CARMIL2: variants seen among roughly 807,000 people sequenced by gnomAD.
The protein encoded by CARMIL2 is capping protein regulator and myosin 1 linker 2, also known as capping protein, Arp2/3 and myosin-I linker protein 2.
In CARMIL2, 96 loss-of-function variants were observed where a neutral mutation model predicts 173.3. The observed-to-expected ratio is 0.55, with a 90% CI of 0.47 to 0.66. CARMIL2 has a LOEUF of 0.66. CARMIL2 is among the 30% of genes least tolerant of loss of function. The pLI, the probability that CARMIL2 is intolerant of heterozygous loss-of-function variation, is 0.00. For synonymous variants in CARMIL2, 830 were observed against 817.1 expected, an observed-to-expected ratio of 1.02 and a Z score of -0.27; for missense variants, 1,771 against 1,906.7, an observed-to-expected ratio of 0.93 and a Z score of 1.33.
intron 10 of CARMIL2, 35 bp downstream of exon 10, chr16:67,647,422 T>A (rs1357623092): frequency 1.3e-6 from 2 of 1,558,406 alleles, no homozygotes; most frequent in East Asian, 4.8e-5. Flanking sequence ...GAGAGGAGAG[T>A]CTGGAGGCTT....
At position 67,653,068 on chromosome 16, in the gene CARMIL2, A is replaced by G; in HGVS notation, c.2934A>G (p.Glu978=). ...EPEPELAAPG[E]DAEPQAGPSA... ...AGCCCGAGCTGGCGGCTCCGGGAGA[A>G]GATGCAGAGCCGCAGGCGGGGCCGT... Residue 978 remains glutamate (E), a synonymous_variant, in exon 29 of 38, where the codon GAA becomes GAG. Coordinates refer to ENST00000334583, the MANE Select transcript of CARMIL2 (RefSeq NM_001013838.3). This position sits in a 1 kb window ranked among gnomAD's most constrained non-coding sequence, Gnocchi z 7.4. 4.0e-6 allele frequency: 5 copies of G among 1,261,616 alleles called. No individual in the cohort carries two copies. The highest frequency in any genetic ancestry group is 5.0e-6 in the Non-Finnish European group (5 of 993,186). 78.2% of individuals were successfully genotyped at this position (1,261,616 alleles called of 1,614,324 possible).
At position 67,649,247 on chromosome 16, in the gene CARMIL2, C is replaced by A. The variant is rs761837872; in HGVS notation, c.1689-7C>A. On this transcript the variant is annotated splice_region_variant and splice_polypyrimidine_tract_variant and intron_variant, in intron 18 of 37. Transcript: ENST00000334583. The surrounding 1 kb of genome is among the most constrained non-coding windows in gnomAD (Gnocchi z 6.7). ...CTGTCCCCCACAACTGCGGCCCCTGCCCACAGGGAGACCCTGGACGACGTC... is the reference window on the plus strand; with the variant it reads ...CTGTCCCCCACAACTGCGGCCCCTGACCACAGGGAGACCCTGGACGACGTC... 3.0e-5 allele frequency: 49 copies of A among 1,613,250 alleles called. No homozygotes were observed. The highest frequency in any genetic ancestry group is 2.3e-4 in the Admixed American group (14 of 59,970).
At chr16:67,655,384 C>T (rs917942726) in intron 32 of CARMIL2, among the ~76,000 whole-genome samples, 1 of 152,162 alleles carries the variant, frequency 6.6e-6, no homozygotes. Flanking sequence ...GAGCCTAGAT[C>T]GTGCCACTAC....
rs2052863547 is a variant in CARMIL2 at position 67,656,655 on chromosome 16, C to T, written c.4036+10C>T. On this transcript the variant is annotated intron_variant, in intron 35 of 37. Coordinates refer to ENST00000334583, the MANE Select transcript of CARMIL2 (RefSeq NM_001013838.3). ...GGCCCCAGAAATGAAGGTAGGCAGG[C>T]ACCTGATTCCCCACCCCAATCCTGG... The T allele has an allele frequency of 6.3e-7, 1 of 1,579,624 alleles. No homozygotes were observed. The highest frequency in any genetic ancestry group is 8.6e-7 in the Non-Finnish European group (1 of 1,162,894).
At chr16:67,650,496 T>C (rs2052703768) in intron 22 of CARMIL2, 1 of 356,480 alleles carries the variant, frequency 2.8e-6, no homozygotes, top group Admixed American at 4.4e-5. Context: ...CAGCTGCTCC[T>C]TCACTGTCTT....
At position 67,654,557 on chromosome 16, in the gene CARMIL2, T is replaced by G. The variant is rs767354552; in HGVS notation, c.3447T>G (p.Gly1149=). ...GTCCCAGCCGTGGTGAGGAGCTTGG[T>G]GGGGCTGAGGGGGACACCAGCAGCC... ...PTRPSRGEEL[G]GAEGDTSSPD... is the part of the protein sequence containing the mutation. Residue 1149 remains glycine, a synonymous_variant, in exon 31 of 38, where the codon GGT becomes GGG. Transcript: ENST00000334583. The G allele has an allele frequency of 6.2e-7, 1 of 1,611,790 alleles. No individual in the cohort carries two copies. The highest frequency in any genetic ancestry group is 1.7e-5 in the Admixed American group (1 of 59,852).
intron 32 of CARMIL2, among the ~76,000 whole-genome samples, chr16:67,655,185 C>CT (rs1161561915): frequency 6.6e-6 from 1 of 152,226 alleles, no homozygotes; most frequent in Non-Finnish European, 1.5e-5. Context: ...AATCCCGACA[C>CT]TTTGGGAGGC....
Position 67,645,595 on chromosome 16 carries a change from G to T in CARMIL2, c.96G>T (p.Trp32Cys). Residue 32 changes from tryptophan (W) to cysteine (C), a missense_variant, in exon 2 of 38, where the codon TGG becomes TGT. By Grantham distance (215) the Trp-to-Cys change is radical. Transcript: ENST00000334583. Reference protein sequence around the residue: ...PKEVELLLKTWLPGEGAVQNH... With the variant: ...PKEVELLLKTCLPGEGAVQNH... ...AGGTGGAGCTGCTGCTGAAAACCTG[G>T]CTACCCGGGGAGGGTGCTGTGCAAA... 1 of 1,613,350 alleles carries T rather than the reference G, an allele frequency of 6.2e-7. No homozygotes were observed. Among genetic ancestry groups the T allele is most frequent in the Non-Finnish European group, 8.5e-7 (1 of 1,179,704 alleles).
rs186775202 is a variant in CARMIL2, at chr16:67,653,668, C to A, written c.3120+414C>A. Reference sequence around the variant, plus strand: ...GGGAGATGCGTGTGTGGGCTGCAAGCCCGCGGGGGCAGCGGGCACTGGCGG... The same window carrying A: ...GGGAGATGCGTGTGTGGGCTGCAAGACCGCGGGGGCAGCGGGCACTGGCGG... On this transcript the variant is annotated intron_variant, in intron 29 of 37. Transcript: ENST00000334583. The surrounding 1 kb of genome is among the most constrained non-coding windows in gnomAD (Gnocchi z 7.4). Among the ~76,000 whole-genome samples the A allele has an allele frequency of 6.6e-6, 1 of 152,146 alleles. No homozygotes were observed. The highest frequency in any genetic ancestry group is 1.5e-5 in the Non-Finnish European group (1 of 67,998).
In CARMIL2 at chr16:67,648,797, G is replaced by C. The variant is rs770146170; in HGVS notation, c.1509+43G>C. ...GAAGAGACCACACATTGGGAGAGGC[G>C]CTGGGAGGCGGAAGGGCAGGGCCGT... On this transcript the variant is annotated intron_variant, in intron 16 of 37. Transcript: ENST00000334583. This position sits in a 1 kb window ranked among gnomAD's most constrained non-coding sequence, Gnocchi z 6.1. The C allele has an allele frequency of 1.5e-5, 23 of 1,570,368 alleles. No homozygotes were observed. The Admixed American group carries it at 4.1e-4, about 28-fold the overall frequency.
At chr16:67,655,259 C>A (rs893520993) in intron 32 of CARMIL2, among the ~76,000 whole-genome samples, 2 of 152,190 alleles carry the variant, frequency 1.3e-5, no homozygotes, top group African/African-American at 4.8e-5. Context: ...TGGTGAAACC[C>A]TGTCTCTACT....
At chr16:67,655,089 T>C (rs1284190015) in intron 32 of CARMIL2, among the ~76,000 whole-genome samples, 189 bp downstream of exon 32, 2 of 152,340 alleles carry the variant, frequency 1.3e-5, no homozygotes, top group East Asian at 3.9e-4. Context: ...GCCACCAGCA[T>C]CTCCTCTTTG....
chr16:67,654,075 C>T, intron 29 of CARMIL2, 74 bp from the exon 30 acceptor site: 2 of 931,066 alleles, frequency 2.1e-6, no homozygotes, highest in Non-Finnish European at 2.9e-6. Flanking sequence ...GTCCAGGCTG[C>T]CGGCCGGGGG....
Position 67,645,778 on chromosome 16 carries a change from G to A in CARMIL2, c.186+1G>A. ...GCACACCACCTGCCTCCCGCTGAGG[G>A]TGAGTCCCAGGGCCTGGCCACACCC... On this transcript the variant is annotated splice_donor_variant, in intron 3 of 37. Coordinates refer to ENST00000334583, the MANE Select transcript of CARMIL2 (RefSeq NM_001013838.3). LOFTEE classifies it high-confidence loss of function. The A allele has an allele frequency of 6.2e-7, 1 of 1,611,704 alleles. No individual in the cohort carries two copies. Among genetic ancestry groups the A allele is most frequent in the Non-Finnish European group, 8.5e-7 (1 of 1,179,882 alleles).
intron 3 of CARMIL2, 23 bp downstream of exon 3, chr16:67,645,800 A>AC: frequency 6.2e-7 from 1 of 1,605,260 alleles, no homozygotes; most frequent in Non-Finnish European, 8.5e-7. Context: ...GCCTGGCCAC[A>AC]CCCCCGCCCG....
At position 67,653,092 on chromosome 16, in the gene CARMIL2, G is replaced by A; in HGVS notation, c.2958G>A (p.Pro986=). ...AAGATGCAGAGCCGCAGGCGGGGCC[G>A]TCCGCGCGCGGCTCTCCGAGCCCTG... ...PGEDAEPQAG[P]SARGSPSPAA... Residue 986 remains proline, a synonymous_variant, in exon 29 of 38, where the codon CCG becomes CCA. Transcript: ENST00000334583. This position sits in a 1 kb window ranked among gnomAD's most constrained non-coding sequence, Gnocchi z 7.4. The A allele has an allele frequency of 2.5e-6, 3 of 1,211,098 alleles. No individual in the cohort carries two copies. Among genetic ancestry groups the A allele is most frequent in the South Asian group, 3.6e-5 (2 of 55,682 alleles). The allele number at this position is 1,211,098 out of a possible 1,614,324, so 75.0% of individuals were successfully genotyped here. A position where few individuals can be genotyped will look rare whatever the true frequency, so the allele number is the denominator to read the frequency against.
Position 67,654,799 on chromosome 16 carries a change from G to A in CARMIL2, c.3604G>A (p.Glu1202Lys). The A allele has an allele frequency of 6.2e-7, 1 of 1,613,500 alleles. No individual in the cohort carries two copies. ...PDKRRPLERG[E>K]TELAPSFEQR... ...CTAGCGGCGGCCCCTGGAGCGGGGA[G>A]AAACAGAACTGGCTCCATCCTTTGA... is the stretch of plus-strand genomic sequence containing the variant. The change falls in exon 32 of 38, where the codon GAA (glutamate) becomes AAA (lysine). Residue 1202 changes from glutamate to lysine, a missense_variant. Glu to Lys is a moderately conservative substitution (Grantham distance 56). Around this residue, in one of 3 missense-constraint regions of CARMIL2, gnomAD observed 817 missense variants for 903.5 expected, o/e 0.90. Coordinates refer to ENST00000334583, the MANE Select transcript of CARMIL2 (RefSeq NM_001013838.3).
Position 67,652,604 on chromosome 16 carries a change from C to G in CARMIL2, c.2884+66C>G. On this transcript the variant is annotated intron_variant, in intron 28 of 37. Coordinates refer to ENST00000334583, the MANE Select transcript of CARMIL2 (RefSeq NM_001013838.3). This position sits in a 1 kb window ranked among gnomAD's most constrained non-coding sequence, Gnocchi z 4.7. ...CTGAAGCTCCATTAGACTTGGGGAC[C>G]CGGGGACCTGGATGAACTCATTCAG... The G allele has an allele frequency of 6.7e-7, 1 of 1,486,166 alleles. No individual in the cohort carries two copies. The highest frequency in any genetic ancestry group is 9.3e-7 in the Non-Finnish European group (1 of 1,074,356). The allele number at this position is 1,486,166 out of a possible 1,614,324, so 92.1% of individuals were successfully genotyped here. A position where few individuals can be genotyped will look rare whatever the true frequency, so the allele number is the denominator to read the frequency against.
Position 67,652,714 on chromosome 16 carries a change from C to T in CARMIL2, c.2884+176C>T, listed in dbSNP as rs1026281937. On this transcript the variant is annotated intron_variant, in intron 28 of 37. Coordinates refer to ENST00000334583, the MANE Select transcript of CARMIL2 (RefSeq NM_001013838.3). The surrounding 1 kb of genome is among the most constrained non-coding windows in gnomAD (Gnocchi z 4.7). ...CAAAGCTGGGGTCTGCTGTGGTCAG[C>T]CCGGGGCGGGACCTGGGCGGATCTG... Among the ~76,000 whole-genome samples the T allele has an allele frequency of 6.6e-6, 1 of 152,326 alleles. No individual in the cohort carries two copies. Among genetic ancestry groups the T allele is most frequent in the African/African-American group, 2.4e-5 (1 of 41,592 alleles).
Sources: gnomAD v4.1 joint callset for allele counts (sites outside exome capture counted in the v4.1 genomes callset) on GRCh38, gnomAD v4.1.1 for gene constraint, gnomAD v4.1.1 regional missense constraint, Gnocchi (gnomAD v3.1) non-coding constraint, MANE v1.5 for transcripts, NCBI Gene and HGNC (gene_info 2026-07-23, HGNC 2026-07-21) for gene names.